Variants in FBN3 observed in about 807,000 individuals in gnomAD.
FBN3 encodes fibrillin 3.
FBN3 carries 234 observed loss-of-function variants against 330.1 expected under a neutral mutation model. The observed-to-expected ratio is 0.71, with a 90% CI of 0.64 to 0.79. The LOEUF (loss-of-function observed/expected upper bound fraction) is 0.79. FBN3 is among the 30% of genes least tolerant of loss of function. The probability of loss-of-function intolerance (pLI) is 0.00; values close to 1 mark genes in which losing one functional copy is unlikely to be tolerated. For missense variants in FBN3, 3,606 were observed against 3,886.9 expected (o/e 0.93, Z 1.92); for synonymous variants, 1,458 against 1,517.3 (o/e 0.96, Z 0.91).
intron 38 of FBN3, among the ~76,000 whole-genome samples, chr19:8,104,343 C>A (rs149008812): frequency 6.6e-6 from 1 of 151,286 alleles, no homozygotes; most frequent in African/African-American, 2.4e-5. Flanking sequence ...TGGTGGCACA[C>A]GCCTGTGGTC....
At chr19:8,134,984 A>T (rs1315157887) in intron 13 of FBN3, among the ~76,000 whole-genome samples, 2 of 148,496 alleles carry the variant, frequency 1.3e-5, no homozygotes, top group Non-Finnish European at 1.5e-5. Flanking sequence ...ACATATATAT[A>T]TATATATTTT....
intron 41 of FBN3, 70 bp downstream of exon 41, chr19:8,100,831 G>T: frequency 8.3e-7 from 1 of 1,211,194 alleles, no homozygotes; most frequent in Non-Finnish European, 1.2e-6. Context: ...CTGTTGAGGA[G>T]GGGAGGGGTG....
chr19:8,145,053 A>T, intron 5 of FBN3, 81 bp from the exon 6 acceptor site: 1 of 1,186,318 alleles, frequency 8.4e-7, no homozygotes. Context: ...GTCTTCACCC[A>T]GGAATCCCCA....
intron 62 of FBN3, 76 bp from the exon 63 acceptor site, chr19:8,072,274 C>T (rs2081532933): frequency 7.0e-7 from 1 of 1,419,622 alleles, no homozygotes; most frequent in Admixed American, 2.3e-5. Context: ...CGCTCCACCC[C>T]ATACTCCGTT....
chr19:8,103,927 G>A (rs886771486), intron 38 of FBN3, among the ~76,000 whole-genome samples: 6 of 151,042 alleles, frequency 4.0e-5, no homozygotes, highest in Admixed American at 1.3e-4. Flanking sequence ...ATTTGAGCCC[G>A]GAGTTCGAGA....
In FBN3 at chr19:8,095,962, A is replaced by T; in HGVS notation, c.5656+2T>A. The T allele has an allele frequency of 6.3e-7, 1 of 1,598,268 alleles. No homozygotes were observed. The highest frequency in any genetic ancestry group is 8.6e-7 in the Non-Finnish European group (1 of 1,165,568). On this transcript the variant is annotated splice_donor_variant, in intron 45 of 63. Coordinates refer to ENST00000600128, the MANE Select transcript of FBN3 (RefSeq NM_032447.5). LOFTEE classifies it high-confidence loss of function. ...GCCAGCCTGCCACCTGAGCCGACTC[A>T]CCCACACAATCCCCATTGTGTGTCA...
At position 8,121,570 on chromosome 19, in the gene FBN3, G is replaced by A. The variant is rs1032096982; in HGVS notation, c.3083-184C>T. ...TGATGGGGTGCCGTATGGGGTCATC[G>A]AATCTGTAGATATGACAGGCAGAAC... On this transcript the variant is annotated intron_variant, in intron 24 of 63. Transcript: ENST00000600128. This position sits in a 1 kb window ranked among gnomAD's most constrained non-coding sequence, Gnocchi z 4.5. Among the ~76,000 whole-genome samples the A allele has an allele frequency of 2.0e-5, 3 of 152,126 alleles. No homozygotes were observed. The highest frequency in any genetic ancestry group is 4.4e-5 in the Non-Finnish European group (3 of 68,018).
At chr19:8,078,955 A>AT (rs1475353507) in intron 59 of FBN3, among the ~76,000 whole-genome samples, 16 of 151,572 alleles carry the variant, frequency 1.1e-4, no homozygotes, top group African/African-American at 3.9e-4. Flanking sequence ...CTAATTTTGT[A>AT]TTTTTTGTAG....
At chr19:8,126,983 A>G (rs948886026) in intron 18 of FBN3, 151 bp from the exon 19 acceptor site, 50 of 731,490 alleles carry the variant, frequency 6.8e-5, no homozygotes, top group Non-Finnish European at 9.8e-5. Flanking sequence ...TCAAATGTGC[A>G]TGCAAGCACA....
intron 48 of FBN3, 27 bp from the exon 49 acceptor site, chr19:8,090,278 G>A: frequency 3.1e-6 from 5 of 1,612,306 alleles, no homozygotes; most frequent in Non-Finnish European, 4.2e-6. Context: ...CCATTACCCT[G>A]ATTGAAAGCC....
intron 5 of FBN3, 37 bp downstream of exon 5, chr19:8,145,806 A>C: frequency 6.8e-7 from 1 of 1,462,356 alleles, no homozygotes; most frequent in Non-Finnish European, 9.4e-7. Context: ...TCACAGTCCC[A>C]GGTGTGCAAA....
intron 51 of FBN3, among the ~76,000 whole-genome samples, chr19:8,088,950 G>C (rs1568376957): frequency 6.6e-6 from 1 of 152,130 alleles, no homozygotes; most frequent in Non-Finnish European, 1.5e-5. Context: ...GAATGAACAA[G>C]TGAATGAATG....
intron 19 of FBN3, 35 bp from the exon 20 acceptor site, chr19:8,126,640 C>A: frequency 1.2e-6 from 2 of 1,601,476 alleles, no homozygotes; most frequent in East Asian, 2.2e-5. Flanking sequence ...GTCTCACCTG[C>A]CGGCCCTACA....
intron 18 of FBN3, among the ~76,000 whole-genome samples, chr19:8,127,723 C>T (rs536648272): frequency 6.6e-6 from 1 of 152,344 alleles, no homozygotes; most frequent in Non-Finnish European, 1.5e-5. Context: ...GTGGCTTACG[C>T]CTGTCATCCC....
intron 54 of FBN3, 133 bp downstream of exon 54, chr19:8,086,944 G>T: frequency 9.0e-7 from 1 of 1,115,146 alleles, no homozygotes; most frequent in Non-Finnish European, 1.2e-6. Context: ...GGGCTCAAGC[G>T]ATCCTCTCGC....
At position 8,072,194 on chromosome 19, in the gene FBN3, A is replaced by T; in HGVS notation, c.7942T>A (p.Cys2648Ser). The T allele has an allele frequency of 6.5e-7, 1 of 1,543,844 alleles. No individual in the cohort carries two copies. The part of the protein sequence containing the change: ...QGYFRAGQGH[C>S]VSGLGFSPGP... ...GGGCTGAAGCCCAGGCCGGAGACAC[A>T]GTGCCTGGGCCAGGATGGGCAGGGT... Residue 2648 changes from cysteine to serine, a missense_variant, in exon 63 of 64, where the codon TGT becomes AGT. Physicochemically the swap from Cys to Ser is moderately radical, Grantham distance 112. Coordinates refer to ENST00000600128, the MANE Select transcript of FBN3 (RefSeq NM_032447.5).
At position 8,142,032 on chromosome 19, in the gene FBN3, C is replaced by T. The variant is rs376317720; in HGVS notation, c.647G>A (p.Arg216His). The T allele has an allele frequency of 1.9e-5, 31 of 1,614,146 alleles. No individual in the cohort carries two copies. The highest frequency in any genetic ancestry group is 1.1e-4 in the African/African-American group (8 of 75,064). ...TKALCCATVG[R>H]AWGLPCELCP... ...AAGTTCACATGGAAGGCCCCAGGCA[C>T]GGCCCACAGTGGCACAGCAAAGTGC... Residue 216 changes from arginine to histidine, a missense_variant, in exon 7 of 64, where the codon CGT (arginine) becomes CAT (histidine). Coordinates refer to ENST00000600128, the MANE Select transcript of FBN3 (RefSeq NM_032447.5).
At chr19:8,110,116 C>T (rs2082543038) in intron 34 of FBN3, among the ~76,000 whole-genome samples, 1 of 152,190 alleles carries the variant, frequency 6.6e-6, no homozygotes, top group Non-Finnish European at 1.5e-5. Context: ...AGTGCAGTTG[C>T]ACAATCACGG....
chr19:8,106,038 G>T, intron 38 of FBN3, 70 bp downstream of exon 38: 5 of 1,585,822 alleles, frequency 3.2e-6, no homozygotes, highest in Non-Finnish European at 3.4e-6. Flanking sequence ...CCCTTGTGAG[G>T]CTTGGCAGGG....
Sources: allele counts gnomAD v4.1 joint callset (sites outside exome capture counted in the v4.1 genomes callset), GRCh38; gene constraint gnomAD v4.1.1; non-coding constraint Gnocchi (gnomAD v3.1); transcripts MANE v1.5; gene names NCBI Gene and HGNC (gene_info 2026-07-23, HGNC 2026-07-21).